KCNK2: variants seen among roughly 807,000 people sequenced by gnomAD.
KCNK2 encodes the protein potassium two pore domain channel subfamily K member 2.
In KCNK2, 21 loss-of-function variants were observed where a neutral mutation model predicts 40.5. The observed-to-expected ratio is 0.52, with a 90% CI of 0.37 to 0.75. KCNK2 has a LOEUF of 0.75. Ranked by LOEUF, KCNK2 falls within the 30% of genes least tolerant of loss-of-function variation. The pLI is 0.00. For synonymous variants in KCNK2, 191 were observed against 202.2 expected (o/e 0.94, Z 0.47); for missense variants, 399 against 531.6 (o/e 0.75, Z 2.45).
At chr1:215,041,408 A>G (rs1164219272) in intron 1 of KCNK2, among the ~76,000 whole-genome samples, 1 of 152,180 alleles carries the variant, frequency 6.6e-6, no homozygotes, top group Non-Finnish European at 1.5e-5. Flanking sequence ...TCAAAAGTAT[A>G]AAAAGAGGTA....
chr1:215,026,512 T>C (rs1657006852), intron 1 of KCNK2, among the ~76,000 whole-genome samples: 1 of 151,924 alleles, frequency 6.6e-6, no homozygotes, highest in Admixed American at 6.6e-5. Flanking sequence ...CAGGTCACCT[T>C]TTTTTCTCCC....
intron 1 of KCNK2, among the ~76,000 whole-genome samples, chr1:215,007,124 T>G (rs1181764858): frequency 8.5e-6 from 1 of 117,468 alleles, no homozygotes; most frequent in African/African-American, 4.5e-5. Context: ...TATATATGTA[T>G]ATATATGTGT....
chr1:215,040,329 A>G (rs12096956), intron 1 of KCNK2, among the ~76,000 whole-genome samples: 3,209 of 152,268 alleles, frequency 0.021, 115 homozygotes, highest in African/African-American at 0.073. Flanking sequence ...TACAGATGAC[A>G]AAACAGATGA....
chr1:215,153,235 A>G lies in KCNK2; in HGVS notation c.476-15964A>G, dbSNP rs990679759. 9.2e-5 allele frequency among the ~76,000 whole-genome samples: 14 copies of G among 152,324 alleles called. No homozygotes were observed. The East Asian group carries it at 2.7e-3, about 29-fold the overall frequency. ...CTTTCATTAAGTATCCCAAGTAAAC[A>G]TAAACAAAAACGTATGTGGGGTTTG... is the stretch of plus-strand genomic sequence containing the variant. On this transcript the variant is annotated intron_variant, in intron 3 of 6. Transcript: ENST00000444842.
rs768227904 is a variant in KCNK2, at chr1:215,096,171, T to C, written c.357+9493T>C. Among the ~76,000 whole-genome samples, 11 of 151,860 alleles carry C rather than the reference T, an allele frequency of 7.2e-5. No homozygotes were observed. The East Asian group carries it at 2.1e-3, about 29-fold the overall frequency. On this transcript the variant is annotated intron_variant, in intron 2 of 6. Transcript: ENST00000444842. ...AAGAAAGCAAACCTCTCTTTAGACCTATAAGCATATATGGATATACCAAGG... is the reference window on the plus strand; with the variant it reads ...AAGAAAGCAAACCTCTCTTTAGACCCATAAGCATATATGGATATACCAAGG...
At chr1:215,132,047 A>C (rs1209327598) in intron 3 of KCNK2, among the ~76,000 whole-genome samples, 1 of 152,216 alleles carries the variant, frequency 6.6e-6, no homozygotes, top group Admixed American at 6.5e-5. Flanking sequence ...GAAAATTAAA[A>C]GTTTGCAGTA....
At chr1:215,128,974 A>G (rs965269014) in intron 3 of KCNK2, among the ~76,000 whole-genome samples, 1 of 152,212 alleles carries the variant, frequency 6.6e-6, no homozygotes, top group African/African-American at 2.4e-5. Context: ...AGGATTAGCA[A>G]ATACTGACAG....
At chr1:215,145,059 C>G (rs1662355007) in intron 3 of KCNK2, among the ~76,000 whole-genome samples, 1 of 152,090 alleles carries the variant, frequency 6.6e-6, no homozygotes, top group Non-Finnish European at 1.5e-5. Flanking sequence ...CTCAACCACT[C>G]CTTACTTGAA....
intron 2 of KCNK2, among the ~76,000 whole-genome samples, chr1:215,121,589 T>C (rs1241001668): frequency 1.3e-5 from 2 of 152,204 alleles, no homozygotes; most frequent in Non-Finnish European, 2.9e-5. Flanking sequence ...ATATTTTCTC[T>C]ATAGTACTAA....
chr1:215,132,736 A>G (rs1235546402), intron 3 of KCNK2, among the ~76,000 whole-genome samples: 2 of 152,322 alleles, frequency 1.3e-5, no homozygotes, highest in South Asian at 2.1e-4. Flanking sequence ...ATCTTCATGT[A>G]GGCTTATTTA....
At chr1:215,009,841 A>G (rs1218416474) in intron 1 of KCNK2, among the ~76,000 whole-genome samples, 1 of 152,156 alleles carries the variant, frequency 6.6e-6, no homozygotes, top group Non-Finnish European at 1.5e-5. Flanking sequence ...CTTCTCTACT[A>G]TAAGTATATC....
At chr1:215,082,583 C>T (rs1351374167), upstream of KCNK2, among the ~76,000 whole-genome samples, 1 of 151,922 alleles carries the variant, frequency 6.6e-6, no homozygotes, top group Non-Finnish European at 1.5e-5. Context: ...AGGGGTTGTG[C>T]CCCCAGGAAG....
chr1:215,148,778 A>G (rs1343417922), intron 3 of KCNK2, among the ~76,000 whole-genome samples: 3 of 152,218 alleles, frequency 2.0e-5, no homozygotes, highest in Non-Finnish European at 4.4e-5. Flanking sequence ...GCAAGATCAC[A>G]GCTGGTTGAA....
intron 2 of KCNK2, among the ~76,000 whole-genome samples, chr1:215,123,476 C>G (rs1452212667): frequency 6.6e-6 from 1 of 151,384 alleles, no homozygotes; most frequent in Non-Finnish European, 1.5e-5. Flanking sequence ...TTACACAGAA[C>G]TATTGATATT....
intron 1 of KCNK2, among the ~76,000 whole-genome samples, chr1:215,007,065 GTGTGTGTATATATATA>G (rs1376142921): frequency 7.7e-6 from 1 of 130,036 alleles, no homozygotes; most frequent in East Asian, 2.0e-4. Flanking sequence ...ATATATGTGT[GTGTGTGTATATATATA>G]TGTGTGTATA....
At chr1:215,079,046 G>A, upstream of KCNK2, among the ~76,000 whole-genome samples, 1 of 152,192 alleles carries the variant, frequency 6.6e-6, no homozygotes, top group East Asian at 1.9e-4. Flanking sequence ...AGTTGGAGCA[G>A]AACAATAGAT....
chr1:215,182,209 G>A (rs1434123817), intron 5 of KCNK2, among the ~76,000 whole-genome samples: 2 of 151,990 alleles, frequency 1.3e-5, no homozygotes, highest in Admixed American at 6.6e-5. Context: ...CTGCCTGGGT[G>A]TGGAGCAGAG....
chr1:215,083,236 C>CCCCCCCT lies in KCNK2; in HGVS notation c.-149_-148insCCCCCTC. 1.9e-6 allele frequency: 3 copies of CCCCCCCT among 1,606,944 alleles called. No individual in the cohort carries two copies. Among genetic ancestry groups the CCCCCCCT allele is most frequent in the Admixed American group, 1.7e-5 (1 of 59,736 alleles). On this transcript the variant is annotated 5_prime_UTR_variant, in exon 1 of 7. Coordinates refer to ENST00000444842, the MANE Select transcript of KCNK2 (RefSeq NM_001017425.3). ...CCCGCGTCCAGCCCCGCTCTCCCCACCTTGTAAAACAAAGCCGGGGAAAAT... is the reference window on the plus strand; with the variant it reads ...CCCGCGTCCAGCCCCGCTCTCCCCACCCCCCCTCTTGTAAAACAAAGCCGGGGAAAAT...
In KCNK2 at chr1:215,186,394, G is replaced by GA. The variant is rs1243398195; in HGVS notation, c.824-8551dup. 2.6e-5 allele frequency among the ~76,000 whole-genome samples: 4 copies of GA among 151,480 alleles called. No individual in the cohort carries two copies. The East Asian group carries it at 5.8e-4, about 22-fold the overall frequency. The stretch of plus-strand genomic sequence containing the variant: ...GGGCAACAGGGCGAGGCCCCATCTT[G>GA]AAAAAAAAGAAAATATGAAAACTCC... On this transcript the variant is annotated intron_variant, in intron 5 of 6. Coordinates refer to ENST00000444842, the MANE Select transcript of KCNK2 (RefSeq NM_001017425.3).
Sources: gnomAD v4.1 joint callset for allele counts (sites outside exome capture counted in the v4.1 genomes callset) on GRCh38, gnomAD v4.1.1 for gene constraint, MANE v1.5 for transcripts, NCBI Gene and HGNC (gene_info 2026-07-23, HGNC 2026-07-21) for gene names.